The following LRMDA variants were observed in gnomAD, a reference collection of about 807,000 sequenced individuals.
LRMDA encodes leucine-rich melanocyte differentiation-associated protein.
A neutral mutation model predicts 29.8 loss-of-function variants in LRMDA; 18 were observed. The ratio of observed to expected loss-of-function variants is 0.60; its 90% confidence interval spans 0.42 to 0.90. The LOEUF (loss-of-function observed/expected upper bound fraction) is 0.90. Ranked by LOEUF, LRMDA falls within the 40% of genes least tolerant of loss-of-function variation. LRMDA has a pLI of 0.00. For synonymous variants in LRMDA, 125 were observed against 109.4 expected (o/e 1.14, Z -0.89); for missense variants, 273 against 273.9 (o/e 1.00, Z 0.02).
intron 5 of LRMDA, among the ~76,000 whole-genome samples, chr10:76,174,449 G>T (rs1850896246): frequency 6.6e-6 from 1 of 151,968 alleles, no homozygotes; most frequent in African/African-American, 2.4e-5. Context: ...GACCAAGTTG[G>T]GTTAATTCTA....
chr10:76,537,513 A>G (rs751421089), intron 6 of LRMDA, among the ~76,000 whole-genome samples: 1 of 152,066 alleles, frequency 6.6e-6, no homozygotes, highest in African/African-American at 2.4e-5. Flanking sequence ...CCAAAGGAAA[A>G]TTTTGTTTTC....
chr10:75,867,445 G>A (rs1430577129), intron 2 of LRMDA, among the ~76,000 whole-genome samples: 1 of 152,198 alleles, frequency 6.6e-6, no homozygotes, highest in Middle Eastern at 3.2e-3. Flanking sequence ...ACAGGCATGA[G>A]CCACCGCACC....
intron 5 of LRMDA, among the ~76,000 whole-genome samples, chr10:76,154,979 A>G (rs1203771359): frequency 2.6e-5 from 4 of 152,190 alleles, no homozygotes; most frequent in Admixed American, 6.5e-5. Context: ...TGTATAAGTC[A>G]TTTCGGCTCT....
At chr10:76,223,781 GGT>G (rs1487717155) in intron 5 of LRMDA, among the ~76,000 whole-genome samples, 1 of 152,114 alleles carries the variant, frequency 6.6e-6, no homozygotes, top group Non-Finnish European at 1.5e-5. Context: ...CCCAGTCTGT[GGT>G]CCTTTGTTAT....
At chr10:75,463,468 G>A (rs1017300641) in intron 2 of LRMDA, among the ~76,000 whole-genome samples, 1 of 151,886 alleles carries the variant, frequency 6.6e-6, no homozygotes, top group African/African-American at 2.4e-5. Context: ...GGATGCTCGG[G>A]TGGGCTACAC....
intron 2 of LRMDA, among the ~76,000 whole-genome samples, chr10:75,457,896 C>G (rs895076812): frequency 6.6e-5 from 10 of 152,040 alleles, no homozygotes; most frequent in African/African-American, 2.2e-4. Context: ...TTTCTTTTTA[C>G]TTTTAATTGA....
intron 2 of LRMDA, among the ~76,000 whole-genome samples, chr10:75,862,208 A>G (rs529294454): frequency 7.2e-5 from 11 of 151,920 alleles, no homozygotes; most frequent in East Asian, 1.9e-4. Flanking sequence ...ACACACACAC[A>G]CACGCACTTA....
At chr10:76,523,886 C>T (rs560992242) in intron 6 of LRMDA, among the ~76,000 whole-genome samples, 2 of 152,282 alleles carry the variant, frequency 1.3e-5, no homozygotes, top group South Asian at 4.1e-4. Context: ...TTGTATGCAG[C>T]ACAAATTTCA....
intron 6 of LRMDA, among the ~76,000 whole-genome samples, chr10:76,350,653 A>G (rs1373562295): frequency 6.6e-6 from 1 of 152,148 alleles, no homozygotes; most frequent in Admixed American, 6.5e-5. Context: ...TGTCTTTGGC[A>G]TAGGACAGAA....
At chr10:76,231,332 G>A (rs1378606559) in intron 5 of LRMDA, among the ~76,000 whole-genome samples, 1 of 152,188 alleles carries the variant, frequency 6.6e-6, no homozygotes, top group African/African-American at 2.4e-5. Flanking sequence ...TGTTTTAATT[G>A]TGAAAGTCAT....
At chr10:75,593,948 G>T (rs1238979481) in intron 2 of LRMDA, among the ~76,000 whole-genome samples, 2 of 152,202 alleles carry the variant, frequency 1.3e-5, no homozygotes, top group Non-Finnish European at 2.9e-5. Flanking sequence ...CCTCAACCTT[G>T]CCTGGTGCCC....
intron 5 of LRMDA, among the ~76,000 whole-genome samples, chr10:76,273,510 A>T (rs1455889697): frequency 1.3e-5 from 2 of 152,156 alleles, no homozygotes; most frequent in Non-Finnish European, 2.9e-5. Context: ...TATGATATCT[A>T]ATCTGTTCAT....
intron 6 of LRMDA, among the ~76,000 whole-genome samples, chr10:76,362,638 C>G (rs1475400246): frequency 6.6e-6 from 1 of 152,056 alleles, no homozygotes; most frequent in Non-Finnish European, 1.5e-5. Flanking sequence ...TTCAAATGTA[C>G]CTATCATCCA....
chr10:75,870,156 GA>G (rs928563204), intron 2 of LRMDA, among the ~76,000 whole-genome samples: 13 of 151,798 alleles, frequency 8.6e-5, no homozygotes, highest in Non-Finnish European at 1.5e-5. Flanking sequence ...TTTGAAGGTT[GA>G]AAAAAAATAA....
chr10:76,404,400 A>C (rs996506567), intron 6 of LRMDA, among the ~76,000 whole-genome samples: 1 of 152,136 alleles, frequency 6.6e-6, no homozygotes, highest in African/African-American at 2.4e-5. Flanking sequence ...TCCCTAAAAA[A>C]TCTCCAACCC....
chr10:76,556,385 C>T (rs2637257), intron 6 of LRMDA: 125,096 of 151,990 alleles, frequency 0.82, 53,845 homozygotes, highest in Non-Finnish European at 0.97. Flanking sequence ...GGTGTCTCTC[C>T]CTGTCGCCCA....
At chr10:76,533,087 T>G (rs2132375653) in intron 6 of LRMDA, among the ~76,000 whole-genome samples, 1 of 152,324 alleles carries the variant, frequency 6.6e-6, no homozygotes, top group East Asian at 1.9e-4. Flanking sequence ...GATCTTAATT[T>G]GAATGTTGAC....
At chr10:76,031,014 A>G (rs1216681330) in intron 2 of LRMDA, among the ~76,000 whole-genome samples, 1 of 151,758 alleles carries the variant, frequency 6.6e-6, no homozygotes, top group Non-Finnish European at 1.5e-5. Context: ...TGGTGGGGGG[A>G]GTATAGGAGA....
At chr10:75,777,069 G>C (rs892610772) in intron 2 of LRMDA, among the ~76,000 whole-genome samples, 1 of 152,168 alleles carries the variant, frequency 6.6e-6, no homozygotes, top group Non-Finnish European at 1.5e-5. Flanking sequence ...GTGGGGAGCC[G>C]GGTTTACTCT....
Sources: gnomAD v4.1 joint callset for allele counts (sites outside exome capture counted in the v4.1 genomes callset) on GRCh38, gnomAD v4.1.1 for gene constraint, MANE v1.5 for transcripts, NCBI Gene and HGNC (gene_info 2026-07-23, HGNC 2026-07-21) for gene names.